The following ROBO1 variants were observed in gnomAD, a reference collection of about 807,000 sequenced individuals.
ROBO1 encodes the protein roundabout guidance receptor 1, also known as roundabout homolog 1.
A neutral mutation model predicts 195.9 loss-of-function variants in ROBO1; 149 were observed. The observed-to-expected ratio is 0.76, with a 90% confidence interval of 0.67 to 0.87. The LOEUF is 0.87. Ranked by LOEUF, ROBO1 falls within the 40% of genes least tolerant of loss-of-function variation. ROBO1 has a pLI of 0.00. For synonymous variants in ROBO1, 816 were observed against 733.2 expected (o/e 1.11, Z -1.82); for missense variants, 1,933 against 2,068.3 (o/e 0.93, Z 1.27).
chr3:79,745,921 T>C (rs1703856479), intron 1 of ROBO1, among the ~76,000 whole-genome samples: 1 of 152,152 alleles, frequency 6.6e-6, no homozygotes, highest in Non-Finnish European at 1.5e-5. Flanking sequence ...TATAATTATA[T>C]GTTCTCTTCA....
intron 4 of ROBO1, among the ~76,000 whole-genome samples, chr3:78,789,916 G>A (rs74469812): frequency 0.014 from 2,185 of 152,176 alleles, 15 homozygotes; most frequent in Non-Finnish European, 0.022. Flanking sequence ...AACATCCTCC[G>A]CATGACCTCC....
intron 1 of ROBO1, among the ~76,000 whole-genome samples, chr3:79,729,213 T>C (rs2107342981): frequency 6.6e-6 from 1 of 152,302 alleles, no homozygotes; most frequent in East Asian, 1.9e-4. Context: ...TGCTTTTTCT[T>C]TACAACTAAC....
Position 79,733,107 on chromosome 3 carries a change from C to A in ROBO1, c.-51+34645G>T, listed in dbSNP as rs73849827. 8.8e-3 allele frequency among the ~76,000 whole-genome samples: 1,336 copies of A among 152,276 alleles called. 14 individuals carry two copies. The highest frequency in any genetic ancestry group is 0.031 in the African/African-American group (1,285 of 41,554). On this transcript the variant is annotated intron_variant, in intron 1 of 30. Coordinates refer to ENST00000464233, the MANE Select transcript of ROBO1 (RefSeq NM_002941.4). Reference sequence around the variant, plus strand: ...AGATACCCGAGTGTCATTCTCAAGTCTTTTCCATCTCCAATCGATAAATCC... The same window carrying A: ...AGATACCCGAGTGTCATTCTCAAGTATTTTCCATCTCCAATCGATAAATCC...
chr3:79,054,942 G>C (rs1279668454), intron 3 of ROBO1, among the ~76,000 whole-genome samples: 1 of 152,102 alleles, frequency 6.6e-6, no homozygotes, highest in Non-Finnish European at 1.5e-5. Flanking sequence ...ACCCAGATGG[G>C]TCCCAGCCTC....
At chr3:79,463,531 T>C (rs1348097826) in intron 2 of ROBO1, among the ~76,000 whole-genome samples, 1 of 152,212 alleles carries the variant, frequency 6.6e-6, no homozygotes, top group Non-Finnish European at 1.5e-5. Context: ...AAGTTGTTTT[T>C]AAAATTTGAT....
At chr3:78,730,184 T>C (rs948179872) in intron 5 of ROBO1, among the ~76,000 whole-genome samples, 11 of 152,208 alleles carry the variant, frequency 7.2e-5, no homozygotes, top group Non-Finnish European at 1.5e-4. Context: ...TGAAAATACT[T>C]TGCCAACAGT....
chr3:78,706,316 C>T (rs1252066949), intron 8 of ROBO1, among the ~76,000 whole-genome samples: 2 of 151,282 alleles, frequency 1.3e-5, no homozygotes, highest in Non-Finnish European at 2.9e-5. Context: ...GTGGTGTATA[C>T]ACAAAAGAAA....
chr3:78,785,086 G>A (rs2108499847), intron 4 of ROBO1, among the ~76,000 whole-genome samples: 1 of 152,280 alleles, frequency 6.6e-6, no homozygotes, highest in Middle Eastern at 3.4e-3. Context: ...ACCTCCACTT[G>A]CCAAGCTGTG....
intron 2 of ROBO1, among the ~76,000 whole-genome samples, chr3:79,464,479 T>A (rs963692435): frequency 4.6e-5 from 7 of 152,188 alleles, no homozygotes; most frequent in South Asian, 2.1e-4. Flanking sequence ...TGAAGAGATA[T>A]CTCGTTTGGG....
intron 2 of ROBO1, among the ~76,000 whole-genome samples, chr3:79,398,911 C>T (rs934594808): frequency 1.3e-4 from 20 of 151,842 alleles, no homozygotes; most frequent in African/African-American, 4.1e-4. Context: ...GTGCTTTATA[C>T]ATAAAAAGTA....
chr3:79,472,102 A>G (rs1435287869), intron 2 of ROBO1, among the ~76,000 whole-genome samples: 3 of 152,114 alleles, frequency 2.0e-5, no homozygotes, highest in African/African-American at 7.2e-5. Flanking sequence ...AATACTAATG[A>G]TAAAAAATTT....
At chr3:79,727,659 G>T (rs1336572084) in intron 1 of ROBO1, among the ~76,000 whole-genome samples, 1 of 152,004 alleles carries the variant, frequency 6.6e-6, no homozygotes, top group East Asian at 1.9e-4. Flanking sequence ...AAGATTTTCT[G>T]CAACCTGCCA....
chr3:78,599,182 G>A (rs560482401), intron 30 of ROBO1, among the ~76,000 whole-genome samples: 2 of 152,056 alleles, frequency 1.3e-5, no homozygotes, highest in Admixed American at 1.3e-4. Context: ...TCTGAGAAGC[G>A]GGAAGGAATG....
intron 2 of ROBO1, among the ~76,000 whole-genome samples, chr3:79,500,179 G>T (rs995707023): frequency 5.3e-5 from 7 of 133,322 alleles, no homozygotes; most frequent in African/African-American, 1.9e-4. Context: ...CGCCCAGGTT[G>T]GAGTGCAATG....
intron 2 of ROBO1, among the ~76,000 whole-genome samples, chr3:79,160,963 T>C (rs748471882): frequency 7.9e-5 from 12 of 152,030 alleles, no homozygotes; most frequent in Non-Finnish European, 1.6e-4. Context: ...ATTTCCCTCA[T>C]GAGATAATTT....
At chr3:79,259,037 A>G (rs537177265) in intron 2 of ROBO1, among the ~76,000 whole-genome samples, 11 of 152,164 alleles carry the variant, frequency 7.2e-5, no homozygotes, top group Non-Finnish European at 1.6e-4. Context: ...TCTTGACCCT[A>G]AACTTTAATA....
intron 2 of ROBO1, among the ~76,000 whole-genome samples, chr3:79,508,188 G>C (rs1940509882): frequency 6.6e-6 from 1 of 152,030 alleles, no homozygotes; most frequent in Non-Finnish European, 1.5e-5. Context: ...AACCAACGTG[G>C]CACATGTACA....
intron 19 of ROBO1, 133 bp from the exon 20 acceptor site, chr3:78,647,788 T>C (rs1706394021): frequency 1.2e-6 from 1 of 801,734 alleles, no homozygotes; most frequent in Middle Eastern, 2.4e-4. Context: ...GTTCTGACAA[T>C]CTGATCTATG....
intron 4 of ROBO1, among the ~76,000 whole-genome samples, chr3:78,836,288 G>A (rs867154969): frequency 1.6e-4 from 25 of 152,002 alleles, no homozygotes; most frequent in Middle Eastern, 6.8e-3. Context: ...CGAGGCGGGC[G>A]GATCACGAGG....
Sources: allele counts gnomAD v4.1 joint callset (sites outside exome capture counted in the v4.1 genomes callset), GRCh38; gene constraint gnomAD v4.1.1; transcripts MANE v1.5; gene names NCBI Gene and HGNC (gene_info 2026-07-23, HGNC 2026-07-21).